The following MAGI2 variants were observed in gnomAD, a reference collection of about 807,000 sequenced individuals.
MAGI2 encodes the protein membrane-associated guanylate kinase, WW and PDZ domain-containing protein 2.
In MAGI2, 35 loss-of-function variants were observed where a neutral mutation model predicts 133.3. That is an observed-to-expected ratio of 0.26 (90% CI 0.20 to 0.35). The LOEUF is 0.35. Among genes scored for constraint, MAGI2 ranks in the 10% least tolerant of loss-of-function variants. The pLI is 1.00. For missense variants in MAGI2, 1,636 were observed against 1,863.4 expected, an observed-to-expected ratio of 0.88 and a Z score of 2.25; for synonymous variants, 729 against 710.6, an observed-to-expected ratio of 1.03 and a Z score of -0.41.
At chr7:78,655,968 A>G (rs1422311855) in intron 2 of MAGI2, among the ~76,000 whole-genome samples, 14 of 145,230 alleles carry the variant, frequency 9.6e-5, no homozygotes, top group Non-Finnish European at 7.6e-5. Context: ...GCGACAGAGC[A>G]AGACTCCGTC....
chr7:78,951,541 G>A (rs1801874763), intron 2 of MAGI2, among the ~76,000 whole-genome samples: 1 of 152,096 alleles, frequency 6.6e-6, no homozygotes, highest in Non-Finnish European at 1.5e-5. Context: ...ACTATCACGA[G>A]ATCCAATCAC....
At chr7:78,065,221 A>G (rs1813693688) in intron 21 of MAGI2, among the ~76,000 whole-genome samples, 1 of 152,156 alleles carries the variant, frequency 6.6e-6, no homozygotes, top group East Asian at 1.9e-4. Flanking sequence ...ACAGCTGTCT[A>G]TACTTTGGCT....
chr7:78,229,909 G>A (rs1453507567), intron 10 of MAGI2, among the ~76,000 whole-genome samples: 1 of 152,072 alleles, frequency 6.6e-6, no homozygotes, highest in South Asian at 2.1e-4. Context: ...TGGCCAAGAG[G>A]TCCACCAATA....
chr7:79,435,700 G>T (rs1363108988), intron 1 of MAGI2, among the ~76,000 whole-genome samples: 1 of 152,002 alleles, frequency 6.6e-6, no homozygotes, highest in East Asian at 1.9e-4. Flanking sequence ...GCAATCTACA[G>T]ATTCAATGCT....
intron 2 of MAGI2, among the ~76,000 whole-genome samples, chr7:78,972,028 G>T (rs1178378242): frequency 6.6e-6 from 1 of 151,808 alleles, no homozygotes; most frequent in Non-Finnish European, 1.5e-5. Context: ...GAGATGAAAA[G>T]GGCCTCAAAT....
chr7:78,987,852 A>G (rs917227352), intron 2 of MAGI2, among the ~76,000 whole-genome samples: 3 of 151,878 alleles, frequency 2.0e-5, no homozygotes, highest in African/African-American at 7.2e-5. Context: ...ACACACAGGC[A>G]CACACACACA....
At chr7:79,029,920 AC>A (rs1395267003) in intron 1 of MAGI2, among the ~76,000 whole-genome samples, 4 of 152,248 alleles carry the variant, frequency 2.6e-5, no homozygotes, top group African/African-American at 9.6e-5. Context: ...GAAATTCTCA[AC>A]AAGACAGGGA....
At chr7:78,109,197 G>A (rs1357144643) in intron 20 of MAGI2, among the ~76,000 whole-genome samples, 1 of 148,570 alleles carries the variant, frequency 6.7e-6, no homozygotes, top group Non-Finnish European at 1.5e-5. Flanking sequence ...CCAGCTACTC[G>A]GGAGGCTGAG....
At chr7:79,412,187 A>T (rs1846191292) in intron 1 of MAGI2, 1 of 152,106 alleles carries the variant, frequency 6.6e-6, no homozygotes, top group African/African-American at 2.4e-5. Context: ...AAATATTAAC[A>T]GTTATAAGAA....
chr7:79,151,437 A>G (rs1031252517), intron 1 of MAGI2, among the ~76,000 whole-genome samples: 1 of 152,162 alleles, frequency 6.6e-6, no homozygotes, highest in African/African-American at 2.4e-5. Flanking sequence ...TTGTTACGAA[A>G]GCTCCTTATT....
At chr7:78,051,910 A>C in intron 21 of MAGI2, among the ~76,000 whole-genome samples, 1 of 133,026 alleles carries the variant, frequency 7.5e-6, no homozygotes, top group Non-Finnish European at 1.6e-5. Flanking sequence ...TTAAGACAAG[A>C]TCTTGCTGTG....
intron 2 of MAGI2, among the ~76,000 whole-genome samples, chr7:78,700,976 G>A (rs983004047): frequency 6.0e-5 from 9 of 150,116 alleles, no homozygotes; most frequent in Non-Finnish European, 1.3e-4. Flanking sequence ...ATATATGAAA[G>A]TATATTATAA....
intron 1 of MAGI2, among the ~76,000 whole-genome samples, chr7:79,251,897 C>T (rs1453319760): frequency 6.6e-6 from 1 of 152,040 alleles, no homozygotes; most frequent in African/African-American, 2.4e-5. Context: ...TGGCTTATGC[C>T]TGTAATCCCA....
chr7:78,642,247 T>C (rs1810392335), intron 2 of MAGI2, among the ~76,000 whole-genome samples: 1 of 152,244 alleles, frequency 6.6e-6, no homozygotes, highest in Non-Finnish European at 1.5e-5. Context: ...TGTCATTACC[T>C]GACATAAAGA....
chr7:78,922,145 CTTTA>C (rs1195157917), intron 2 of MAGI2, among the ~76,000 whole-genome samples: 29 of 127,900 alleles, frequency 2.3e-4, no homozygotes, highest in Non-Finnish European at 3.6e-4. Flanking sequence ...TTCTTTCTTT[CTTTA>C]TTTTTTATTT....
chr7:78,881,451 A>ATC (rs1795832458), intron 2 of MAGI2, among the ~76,000 whole-genome samples: 1 of 145,118 alleles, frequency 6.9e-6, no homozygotes, highest in Non-Finnish European at 1.5e-5. Flanking sequence ...GGGGGGAGGG[A>ATC]TAGCATTAGG....
chr7:78,157,536 C>G (rs1824520110), intron 16 of MAGI2, among the ~76,000 whole-genome samples: 1 of 152,194 alleles, frequency 6.6e-6, no homozygotes, highest in Admixed American at 6.5e-5. Context: ...CACACACACA[C>G]ACACATTCCC....
intron 1 of MAGI2, 29 bp from the exon 2 acceptor site, chr7:79,007,235 G>T: frequency 7.5e-7 from 1 of 1,324,766 alleles, no homozygotes; most frequent in African/African-American, 1.5e-5. Flanking sequence ...TCTTGGTAAG[G>T]GATGTTGGAA....
intron 2 of MAGI2, among the ~76,000 whole-genome samples, chr7:78,764,369 C>T (rs772094126): frequency 3.3e-5 from 5 of 152,132 alleles, no homozygotes; most frequent in Middle Eastern, 3.4e-3. Flanking sequence ...ATTCCAGTGT[C>T]CAGGAATATG....
Sources: allele counts gnomAD v4.1 joint callset (sites outside exome capture counted in the v4.1 genomes callset), GRCh38; gene constraint gnomAD v4.1.1; transcripts MANE v1.5; gene names NCBI Gene and HGNC (gene_info 2026-07-23, HGNC 2026-07-21).